The following MYBBP1A variants were observed in gnomAD, a reference collection of about 807,000 sequenced individuals.
MYBBP1A encodes the protein myb-binding protein 1A.
In MYBBP1A, 147 loss-of-function variants were observed where a neutral mutation model predicts 136.3. That is an observed-to-expected ratio of 1.08 (90% CI 0.94 to 1.24). The LOEUF is 1.24. Among genes scored for constraint, MYBBP1A ranks in the 50% most tolerant of loss-of-function variants. The probability of loss-of-function intolerance (pLI) is 0.00; values close to 1 mark genes in which losing one functional copy is unlikely to be tolerated. For missense variants in MYBBP1A, 2,060 were observed against 1,727.4 expected (o/e 1.19, Z -3.41); for synonymous variants, 947 against 735.8 (o/e 1.29, Z -4.65).
Position 4,555,363 on chromosome 17 carries a change from C to A in MYBBP1A, c.-39G>T, listed in dbSNP as rs1310137311. On this transcript the variant is annotated 5_prime_UTR_variant, in exon 1 of 26. Transcript: ENST00000254718. ...ACCGAAACACGAAACACGTGTGCTC[C>A]GGCCCCAGCCGCTTCCAGGTCAGGG... 1 of 1,557,972 alleles carries A rather than the reference C, an allele frequency of 6.4e-7. No homozygotes were observed. Among genetic ancestry groups the A allele is most frequent in the Non-Finnish European group, 8.7e-7 (1 of 1,150,752 alleles).
Position 4,542,644 on chromosome 17 carries a change from A to G in MYBBP1A, c.2990T>C (p.Met997Thr), listed in dbSNP as rs771283004. The G allele has an allele frequency of 1.2e-6, 2 of 1,613,894 alleles. No individual in the cohort carries two copies. The highest frequency in any genetic ancestry group is 4.5e-5 in the East Asian group (2 of 44,874). Residue 997 changes from methionine to threonine, a missense_variant, in exon 21 of 26, where the codon ATG becomes ACG. Physicochemically the swap from Met to Thr is moderately conservative, Grantham distance 81. Transcript: ENST00000254718. The part of the protein sequence containing the change: ...TKRNSPLTVP[M>T]FLSLFSRHPV... ...GTGCCGGGAGAAGAGGCTGAGGAAC[A>G]TGGGAACTGTGAGGGGGCTGTTGCG...
At chr17:4,551,160 T>C (rs1293664356) in intron 8 of MYBBP1A, among the ~76,000 whole-genome samples, 5 of 151,476 alleles carry the variant, frequency 3.3e-5, no homozygotes, top group African/African-American at 1.2e-4. Flanking sequence ...TCTTAACCAC[T>C]GCCTGATACT....
At position 4,545,283 on chromosome 17, in the gene MYBBP1A, A is replaced by G; in HGVS notation, c.2136T>C (p.Asp712=). 6.2e-7 allele frequency: 1 copy of G among 1,611,008 alleles called. No homozygotes were observed. The highest frequency in any genetic ancestry group is 8.5e-7 in the Non-Finnish European group (1 of 1,179,532). The change falls in exon 16 of 26, where the codon GAT becomes GAC. Residue 712 remains aspartate (D), a synonymous_variant. Transcript: ENST00000254718. ...NDRVVVTDDS[D]ERRLKGAEDK... ...CCTCTGCACCCTTCAGCCGCCGCTC[A>G]TCAGAATCGTCCGTCACCACCACAC...
In MYBBP1A at chr17:4,552,067, G is replaced by A; in HGVS notation, c.905+58C>T. ...CCTGGTGGGAACCTCAGGACTAGTG[G>A]CCTAGCCCACTTCACGGACAGGGAA... On this transcript the variant is annotated intron_variant, in intron 7 of 25. Coordinates refer to ENST00000254718, the MANE Select transcript of MYBBP1A (RefSeq NM_014520.4). This position sits in a 1 kb window ranked among gnomAD's most constrained non-coding sequence, Gnocchi z 4.7. 3 of 1,599,540 alleles carry A rather than the reference G, an allele frequency of 1.9e-6. No individual in the cohort carries two copies.
chr17:4,539,654 T>TTGGGGATTTGGCAGGGGTGC lies in MYBBP1A; in HGVS notation c.3728_3747dup (p.Lys1250AlafsTer19). On this transcript the variant is annotated frameshift_variant, in exon 26 of 26. Transcript: ENST00000254718. LOFTEE classifies it low-confidence loss of function (END_TRUNC). ...GGCTTCTGGTTTTTCTTCTGCAGTTTTGGGGATTTGGCAGGGGTGCTGGGG... is the reference window on the plus strand; with the variant it reads ...GGCTTCTGGTTTTTCTTCTGCAGTTTTGGGGATTTGGCAGGGGTGCTGGGGATTTGGCAGGGGTGCTGGGG... 3 of 1,611,808 alleles carry TTGGGGATTTGGCAGGGGTGC rather than the reference T, an allele frequency of 1.9e-6. No individual in the cohort carries two copies. Among genetic ancestry groups the TTGGGGATTTGGCAGGGGTGC allele is most frequent in the Non-Finnish European group, 2.5e-6 (3 of 1,178,468 alleles).
chr17:4,543,165 C>G lies in MYBBP1A; in HGVS notation c.2640G>C (p.Thr880=). The G allele has an allele frequency of 6.2e-7, 1 of 1,601,478 alleles. No individual in the cohort carries two copies. Among genetic ancestry groups the G allele is most frequent in the Non-Finnish European group, 8.5e-7 (1 of 1,174,474 alleles). Residue 880 remains threonine, a splice_region_variant and synonymous_variant, in exon 20 of 26, where the codon ACG becomes ACC. Coordinates refer to ENST00000254718, the MANE Select transcript of MYBBP1A (RefSeq NM_014520.4). ...DLLHKTARIF[T]HHLCRARRYC... ...AGCGCCGGGCACGGCACAGGTGGTG[C>G]CTGTGGGTGGTGAGGACGAGAGCTG...
Position 4,539,197 on chromosome 17 carries a change from C to A in MYBBP1A, c.*218G>T. 6.9e-7 allele frequency: 1 copy of A among 1,451,708 alleles called. No individual in the cohort carries two copies. 89.9% of individuals were successfully genotyped at this position (1,451,708 alleles called of 1,614,324 possible). A position where few individuals can be genotyped will look rare whatever the true frequency, so the allele number is the denominator to read the frequency against. ...TGGAGCCAGGGTCCCAGCCCAGAAC[C>A]GGGGGTGGGGAGGTCTCTGCACCCT... On this transcript the variant is annotated 3_prime_UTR_variant, in exon 26 of 26. Coordinates refer to ENST00000254718, the MANE Select transcript of MYBBP1A (RefSeq NM_014520.4).
rs1907887632 is a variant in MYBBP1A at position 4,554,905 on chromosome 17, C to T, written c.250G>A (p.Gly84Arg). Residue 84 changes from glycine (G) to arginine (R), a missense_variant, in exon 2 of 26, where the codon GGG (glycine) becomes AGG (arginine). Physicochemically the swap from Gly to Arg is moderately radical, Grantham distance 125. Transcript: ENST00000254718. ...TAGCAGGGCCGGGCTGTTTCTCGCC[C>T]GACCCCGAGTCCCGTGATTAGACGC... The part of the protein sequence containing the change: ...LKRLITGLGV[G>R]RETARPCYSL... 2 of 1,613,420 alleles carry T rather than the reference C, an allele frequency of 1.2e-6. No individual in the cohort carries two copies. Among genetic ancestry groups the T allele is most frequent in the South Asian group, 2.2e-5 (2 of 91,070 alleles).
Position 4,553,792 on chromosome 17 carries a change from C to G in MYBBP1A, c.561+18G>C. On this transcript the variant is annotated intron_variant, in intron 5 of 25. Coordinates refer to ENST00000254718, the MANE Select transcript of MYBBP1A (RefSeq NM_014520.4). ...TAACAAAGTGTTGCCTGGGCCCGCA[C>G]AGCTGGGGAGCTCATACCTCGGAGA... 6.2e-7 allele frequency: 1 copy of G among 1,609,074 alleles called. No individual in the cohort carries two copies. Among genetic ancestry groups the G allele is most frequent in the East Asian group, 2.2e-5 (1 of 44,850 alleles).
At position 4,541,480 on chromosome 17, in the gene MYBBP1A, T is replaced by C. The variant is rs1906420661; in HGVS notation, c.3280A>G (p.Arg1094Gly). ...SSLELLNVLF[R>G]TCKHEKLTLD... ...CGCCTCACCTCATGTTTGCAGGTCC[T>C]GAAGAGAACGTTGAGCAGCTCCAGG... is the stretch of plus-strand genomic sequence containing the variant. Residue 1094 changes from arginine (R) to glycine (G), a missense_variant, in exon 24 of 26, where the codon AGG (arginine) becomes GGG (glycine). Arg to Gly is a moderately radical substitution (Grantham distance 125). Coordinates refer to ENST00000254718, the MANE Select transcript of MYBBP1A (RefSeq NM_014520.4). 6.2e-7 allele frequency: 1 copy of C among 1,613,476 alleles called. No individual in the cohort carries two copies. Among genetic ancestry groups the C allele is most frequent in the Non-Finnish European group, 8.5e-7 (1 of 1,180,008 alleles).
At position 4,542,715 on chromosome 17, in the gene MYBBP1A, C is replaced by T. The variant is rs1906566764; in HGVS notation, c.2919G>A (p.Leu973=). Residue 973 remains leucine (L), a synonymous_variant, in exon 21 of 26, where the codon CTG becomes CTA. Transcript: ENST00000254718. ...PQAASCLDLN[L]VTRVYSTALS... is the part of the protein sequence containing the mutation. Reference sequence around the variant, plus strand: ...GTGCTGTCGAGTACACCCGGGTCACCAGGTTCAAGTCCAAGCAGCTGGCAG... The same window carrying T: ...GTGCTGTCGAGTACACCCGGGTCACTAGGTTCAAGTCCAAGCAGCTGGCAG... The T allele has an allele frequency of 6.2e-7, 1 of 1,613,830 alleles. No homozygotes were observed. The highest frequency in any genetic ancestry group is 8.5e-7 in the Non-Finnish European group (1 of 1,179,942).
chr17:4,545,946 C>CGG lies in MYBBP1A; in HGVS notation c.1825-6_1825-5dup. 6.2e-7 allele frequency: 1 copy of CGG among 1,612,290 alleles called. No homozygotes were observed. Among genetic ancestry groups the CGG allele is most frequent in the Non-Finnish European group, 8.5e-7 (1 of 1,179,512 alleles). ...GGTCACAGCTCTCTGCAGGGGACTG[C>CGG]GGGCAGGGTAGGACACACACTGGGG... is the stretch of plus-strand genomic sequence containing the variant. On this transcript the variant is annotated splice_region_variant and splice_polypyrimidine_tract_variant and intron_variant, in intron 13 of 25. Coordinates refer to ENST00000254718, the MANE Select transcript of MYBBP1A (RefSeq NM_014520.4).
At chr17:4,549,213 C>A in intron 10 of MYBBP1A, 119 bp downstream of exon 10, 5 of 799,740 alleles carry the variant, frequency 6.3e-6, no homozygotes, top group Non-Finnish European at 9.9e-6. Context: ...TGCCTGCCCC[C>A]CACTGATGAC....
At chr17:4,541,970 G>A in intron 22 of MYBBP1A, 79 bp from the exon 23 acceptor site, 1 of 1,092,848 alleles carries the variant, frequency 9.2e-7, no homozygotes, top group Non-Finnish European at 1.4e-6. Flanking sequence ...AGGGCTCGGG[G>A]GCCCGCTGGG....
Position 4,542,996 on chromosome 17 carries a change from T to G in MYBBP1A, c.2809A>C (p.Asn937His). 1 of 1,614,036 alleles carries G rather than the reference T, an allele frequency of 6.2e-7. No individual in the cohort carries two copies. Among genetic ancestry groups the G allele is most frequent in the Non-Finnish European group, 8.5e-7 (1 of 1,179,982 alleles). ...TCATGCACGCAGCCCTCAGCAGTGT[T>G]GCCCTTCAAGACCCGGAGCAGGTAG... Reference protein sequence around the residue: ...SLYLLRVLKGNTAEGCVHETQ... With the variant: ...SLYLLRVLKGHTAEGCVHETQ... The change falls in exon 20 of 26, where the codon AAC becomes CAC. Residue 937 changes from asparagine (N) to histidine (H), a missense_variant. Transcript: ENST00000254718.
Position 4,544,915 on chromosome 17 carries a change from C to T in MYBBP1A, c.2317G>A (p.Glu773Lys). Residue 773 changes from glutamate (E) to lysine (K), a missense_variant, in exon 18 of 26, where the codon GAG becomes AAG. Physicochemically the swap from Glu to Lys is moderately conservative, Grantham distance 56. Transcript: ENST00000254718. ...VLQAGKALGGEDSENEEELGD... is the reference protein window; with the variant it reads ...VLQAGKALGGKDSENEEELGD... ...AGCTCCTCCTCGTTCTCACTGTCCT[C>T]TCCACCCTGAGGGACAGAGGCCCAG... The T allele has an allele frequency of 6.2e-7, 1 of 1,600,012 alleles. No homozygotes were observed. Among genetic ancestry groups the T allele is most frequent in the South Asian group, 1.1e-5 (1 of 88,862 alleles).
rs1345843806 is a variant in MYBBP1A, at chr17:4,554,021, T to C, written c.451A>G (p.Lys151Glu). 2 of 1,614,000 alleles carry C rather than the reference T, an allele frequency of 1.2e-6. No individual in the cohort carries two copies. The highest frequency in any genetic ancestry group is 8.5e-7 in the Non-Finnish European group (1 of 1,180,000). Residue 151 changes from lysine to glutamate, a missense_variant and splice_region_variant, in exon 4 of 26, where the codon AAG becomes GAG. Transcript: ENST00000254718. ...LALFQSGRLVKDQEALMKSVK... is the reference protein window; with the variant it reads ...LALFQSGRLVEDQEALMKSVK... ...CCCAGTCCCTCCAAAGCTCTTACCT[T>C]CACCAGCCGACCTGACTGAAAGAGG...
In MYBBP1A at chr17:4,555,131, G is replaced by A. The variant is rs1268355319; in HGVS notation, c.194C>T (p.Pro65Leu). The A allele has an allele frequency of 1.9e-6, 3 of 1,589,554 alleles. No individual in the cohort carries two copies. Among genetic ancestry groups the A allele is most frequent in the Admixed American group, 1.8e-5 (1 of 57,124 alleles). Residue 65 changes from proline (P) to leucine (L), a missense_variant, in exon 1 of 26, where the codon CCG becomes CTG. Physicochemically the swap from Pro to Leu is moderately conservative, Grantham distance 98 (BLOSUM62 -3). Coordinates refer to ENST00000254718, the MANE Select transcript of MYBBP1A (RefSeq NM_014520.4). Reference protein sequence around the residue: ...EKLLEYLRGRPKGSEMKYALK... With the variant: ...EKLLEYLRGRLKGSEMKYALK... ...CCCCAGACCCCGCCACTCCACCTTCGGCCTGCCACGCAGATACTCCAGCAG... is the reference window on the plus strand; with the variant it reads ...CCCCAGACCCCGCCACTCCACCTTCAGCCTGCCACGCAGATACTCCAGCAG...
Position 4,544,472 on chromosome 17 carries a change from T to C in MYBBP1A, c.2639+17A>G. 5 of 1,545,610 alleles carry C rather than the reference T, an allele frequency of 3.2e-6. No homozygotes were observed. The highest frequency in any genetic ancestry group is 4.4e-6 in the Non-Finnish European group (5 of 1,146,998). On this transcript the variant is annotated intron_variant, in intron 19 of 25. Transcript: ENST00000254718. ...GGCTGCCGGCCACACCTGCCCGCCC[T>C]GCACCCCCGTGCTCACGTGAAGATG...
Sources: gnomAD v4.1 joint callset for allele counts (sites outside exome capture counted in the v4.1 genomes callset) on GRCh38, gnomAD v4.1.1 for gene constraint, Gnocchi (gnomAD v3.1) non-coding constraint, MANE v1.5 for transcripts, NCBI Gene and HGNC (gene_info 2026-07-23, HGNC 2026-07-21) for gene names.